NALF1: variants seen among roughly 807,000 people sequenced by gnomAD.
NALF1 encodes the protein NALCN channel auxiliary factor 1, also known as family with sequence similarity 155 member A.
A neutral mutation model predicts 48.4 loss-of-function variants in NALF1; 3 were observed. The ratio of observed to expected loss-of-function variants is 0.06; its 90% confidence interval spans 0.03 to 0.16. NALF1 has a LOEUF of 0.16. Ranked by LOEUF, NALF1 falls within the 10% of genes least tolerant of loss-of-function variation. NALF1 has a pLI of 1.00. For synonymous variants in NALF1, 262 were observed against 245.7 expected, an observed-to-expected ratio of 1.07 and a Z score of -0.62; for missense variants, 526 against 571.5, an observed-to-expected ratio of 0.92 and a Z score of 0.81.
At chr13:107,838,008 C>A (rs746024217) in intron 1 of NALF1, among the ~76,000 whole-genome samples, 1 of 152,018 alleles carries the variant, frequency 6.6e-6, no homozygotes, top group Admixed American at 6.5e-5. Flanking sequence ...ATTAGGTGCT[C>A]GAAATGTGAG....
intron 1 of NALF1, among the ~76,000 whole-genome samples, chr13:107,237,988 G>A (rs1333201020): frequency 6.6e-6 from 1 of 152,220 alleles, no homozygotes; most frequent in East Asian, 1.9e-4. Flanking sequence ...GTGTATACCT[G>A]TGTGTGTGTA....
intron 1 of NALF1, among the ~76,000 whole-genome samples, chr13:107,840,001 A>G (rs1209000612): frequency 6.6e-6 from 1 of 152,206 alleles, no homozygotes; most frequent in Non-Finnish European, 1.5e-5. Flanking sequence ...AGGGAGATCT[A>G]CAAGTTGATC....
At chr13:107,205,811 C>T (rs1237534418) in intron 2 of NALF1, among the ~76,000 whole-genome samples, 1 of 151,900 alleles carries the variant, frequency 6.6e-6, no homozygotes, top group East Asian at 2.0e-4. Flanking sequence ...ATGTTTGTTA[C>T]CATAGCACCC....
intron 1 of NALF1, among the ~76,000 whole-genome samples, chr13:107,808,002 T>G (rs1018527137): frequency 2.6e-5 from 4 of 151,966 alleles, no homozygotes; most frequent in Admixed American, 1.3e-4. Context: ...TATATGTGAG[T>G]GTGTTCCAGG....
chr13:107,526,367 G>A (rs1423409296), intron 1 of NALF1, among the ~76,000 whole-genome samples: 2 of 152,030 alleles, frequency 1.3e-5, no homozygotes, highest in Non-Finnish European at 2.9e-5. Context: ...TCTTTCTGAT[G>A]CCTTTATCTC....
chr13:107,746,969 T>C (rs1323812977), intron 1 of NALF1, among the ~76,000 whole-genome samples: 1 of 152,172 alleles, frequency 6.6e-6, no homozygotes, highest in Non-Finnish European at 1.5e-5. Context: ...GAGAGAAAGC[T>C]TCCTGGCACT....
At position 107,555,427 on chromosome 13, in the gene NALF1, C is replaced by CA. The variant is rs1877434359; in HGVS notation, c.915+310254dup. Among the ~76,000 whole-genome samples the CA allele has an allele frequency of 1.4e-5, 2 of 146,986 alleles. 1 individual carries two copies. Among genetic ancestry groups the CA allele is most frequent in the Non-Finnish European group, 3.0e-5 (2 of 67,088 alleles). The stretch of plus-strand genomic sequence containing the variant: ...AGCTGGGACTACAGGTTCCTGCCAC[C>CA]AAGCCTGGCTAATTTTTTTTTTTTT... On this transcript the variant is annotated intron_variant, in intron 1 of 2. Transcript: ENST00000375915.
At chr13:107,394,965 A>G (rs1883687819) in intron 1 of NALF1, among the ~76,000 whole-genome samples, 1 of 152,202 alleles carries the variant, frequency 6.6e-6, no homozygotes, top group Non-Finnish European at 1.5e-5. Context: ...GGGACATCCA[A>G]TGATATCCTG....
At chr13:107,381,731 G>A (rs1883443720) in intron 1 of NALF1, among the ~76,000 whole-genome samples, 1 of 152,166 alleles carries the variant, frequency 6.6e-6, no homozygotes. Flanking sequence ...CAGGAGAAAG[G>A]TGACTCGACT....
chr13:107,528,931 C>A (rs1274301119), intron 1 of NALF1, among the ~76,000 whole-genome samples: 1 of 152,128 alleles, frequency 6.6e-6, no homozygotes, highest in African/African-American at 2.4e-5. Context: ...ACAATTCTTT[C>A]TATCATGAAC....
At chr13:107,634,924 T>G (rs1189767070) in intron 1 of NALF1, among the ~76,000 whole-genome samples, 3 of 152,114 alleles carry the variant, frequency 2.0e-5, no homozygotes, top group African/African-American at 7.2e-5. Context: ...GTGCTAGGAA[T>G]AAGTCCCACA....
At chr13:107,408,183 A>G (rs1395237764) in intron 1 of NALF1, among the ~76,000 whole-genome samples, 1 of 152,096 alleles carries the variant, frequency 6.6e-6, no homozygotes, top group African/African-American at 2.4e-5. Flanking sequence ...AAAAATAACG[A>G]ATAAGAACTA....
At chr13:107,568,564 C>A (rs556229959) in intron 1 of NALF1, among the ~76,000 whole-genome samples, 39 of 152,214 alleles carry the variant, frequency 2.6e-4, no homozygotes, top group Non-Finnish European at 5.0e-4. Context: ...TACGTATCCA[C>A]TAGCACTATA....
At chr13:107,354,707 T>C (rs1013677328) in intron 1 of NALF1, among the ~76,000 whole-genome samples, 14 of 152,054 alleles carry the variant, frequency 9.2e-5, no homozygotes, top group African/African-American at 3.4e-4. Context: ...CAGAAGAATT[T>C]TGGAGGCTCC....
intron 1 of NALF1, among the ~76,000 whole-genome samples, chr13:107,771,918 G>T (rs187498802): frequency 6.6e-6 from 1 of 152,154 alleles, no homozygotes; most frequent in African/African-American, 2.4e-5. Flanking sequence ...TGTATTTTTA[G>T]TAGAGACAGG....
intron 1 of NALF1, among the ~76,000 whole-genome samples, chr13:107,593,818 G>GAAAAAAA (rs56053087): frequency 6.8e-6 from 1 of 146,240 alleles, no homozygotes; most frequent in African/African-American, 2.5e-5. Flanking sequence ...TTTTCAACAG[G>GAAAAAAA]AAAAAAAAAA....
chr13:107,650,924 C>A (rs35796540), intron 1 of NALF1, among the ~76,000 whole-genome samples: 2 of 149,042 alleles, frequency 1.3e-5, no homozygotes. Context: ...GTCTACTTGA[C>A]GGGGGAGGGT....
intron 1 of NALF1, among the ~76,000 whole-genome samples, chr13:107,241,077 C>T (rs1454102088): frequency 7.0e-6 from 1 of 142,490 alleles, no homozygotes; most frequent in African/African-American, 2.6e-5. Context: ...AAAAAAAAGC[C>T]GAACTACTCA....
At position 107,816,052 on chromosome 13, in the gene NALF1, G is replaced by A. The variant is rs113710938; in HGVS notation, c.915+49630C>T. The stretch of plus-strand genomic sequence containing the variant: ...GGACAGAGAAAAATGTTCCAAAAGC[G>A]TTTATGGTGATGGTTGCCTAACTCT... On this transcript the variant is annotated intron_variant, in intron 1 of 2. Coordinates refer to ENST00000375915, the MANE Select transcript of NALF1 (RefSeq NM_001080396.3). Among the ~76,000 whole-genome samples, 28 of 152,276 alleles carry A rather than the reference G, an allele frequency of 1.8e-4. 1 individual carries two copies. Among genetic ancestry groups the A allele is most frequent in the African/African-American group, 4.8e-4 (20 of 41,548 alleles).
Sources: gnomAD v4.1 joint callset for allele counts (sites outside exome capture counted in the v4.1 genomes callset) on GRCh38, gnomAD v4.1.1 for gene constraint, MANE v1.5 for transcripts, NCBI Gene and HGNC (gene_info 2026-07-23, HGNC 2026-07-21) for gene names.